The following PPP2R3B variants were observed in gnomAD, a reference collection of about 807,000 sequenced individuals.
The protein encoded by PPP2R3B is serine/threonine-protein phosphatase 2A regulatory subunit B'' subunit beta.
In PPP2R3B, 68 loss-of-function variants were observed where a neutral mutation model predicts 72.9. That is an observed-to-expected ratio of 0.93 (90% confidence interval 0.77 to 1.14). The LOEUF (loss-of-function observed/expected upper bound fraction) is 1.14, where lower values mean the gene tolerates loss of function less well. Among genes scored for constraint, PPP2R3B ranks in the 50% most tolerant of loss-of-function variants. PPP2R3B has a pLI of 0.00. For synonymous variants in PPP2R3B, 466 were observed against 375.8 expected, an observed-to-expected ratio of 1.24 and a Z score of -2.78; for missense variants, 1,018 against 842.0, an observed-to-expected ratio of 1.21 and a Z score of -2.59.
chrX:380,523 C>T (rs1261077031), intron 1 of PPP2R3B, among the ~76,000 whole-genome samples: 4 of 152,056 alleles, frequency 2.6e-5, no homozygotes, highest in Non-Finnish European at 5.9e-5. Context: ...TGGTTGCCCT[C>T]GTCTGTCATC....
intron 1 of PPP2R3B, among the ~76,000 whole-genome samples, chrX:376,008 A>G (rs2071984298): frequency 6.6e-6 from 1 of 152,136 alleles, no homozygotes; most frequent in African/African-American, 2.4e-5. Context: ...CCAGGCCAAC[A>G]TGGTGAAACC....
chrX:341,513 T>G (rs1230368712), intron 8 of PPP2R3B, 117 bp from the exon 9 acceptor site: 2 of 1,063,386 alleles, frequency 1.9e-6, no homozygotes, highest in Non-Finnish European at 2.9e-6. Context: ...GCCCTCCTCC[T>G]GCCCCCCTCC....
At position 341,818 on chromosome X, in the gene PPP2R3B, TGAGGA is replaced by T; in HGVS notation, c.1085+60_1085+64del. 4.5e-6 allele frequency: 7 copies of T among 1,557,708 alleles called. No homozygotes were observed. The South Asian group carries it at 7.8e-5, about 17-fold the overall frequency. ...ACAAAAAGCTCACGTCAGGCAACGATGAGGAGAGGGACCGGGGTCCTCGCAGGGGC... is the reference window on the plus strand; with the variant it reads ...ACAAAAAGCTCACGTCAGGCAACGATGAGGGACCGGGGTCCTCGCAGGGGC... On this transcript the variant is annotated intron_variant, in intron 8 of 12. Coordinates refer to ENST00000390665, the MANE Select transcript of PPP2R3B (RefSeq NM_013239.5).
In PPP2R3B at chrX:334,148, G is replaced by A. The variant is rs749608135; in HGVS notation, c.*219C>T. On this transcript the variant is annotated 3_prime_UTR_variant, in exon 13 of 13. Transcript: ENST00000390665. The stretch of plus-strand genomic sequence containing the variant: ...CCAGAGGGTGTCCGTGTGGGAACCC[G>A]TCCCATTCACGCGCGGCCCTACGTG... 9.2e-5 allele frequency: 42 copies of A among 457,720 alleles called. No individual in the cohort carries two copies. The highest frequency in any genetic ancestry group is 8.0e-4 in the South Asian group (17 of 21,226). 28.4% of individuals were successfully genotyped at this position (457,720 alleles called of 1,614,324 possible).
Position 386,593 on chromosome X carries a change from CT to C in PPP2R3B, c.98del (p.Gln33ArgfsTer76). On this transcript the variant is annotated frameshift_variant, in exon 1 of 13. Transcript: ENST00000390665. LOFTEE classifies it high-confidence loss of function. ...GCGCCTTGATCCGGCGCAGGCAGTC[CT>C]GCAGCATCCGCTGCGTGCTGGCCTC... ...LSEASTQRML[Q>X]DCLRRIKAPG... 1 of 1,449,238 alleles carries C rather than the reference CT, an allele frequency of 6.9e-7. No individual in the cohort carries two copies. The highest frequency in any genetic ancestry group is 9.1e-7 in the Non-Finnish European group (1 of 1,102,006). 89.8% of individuals were successfully genotyped at this position (1,449,238 alleles called of 1,614,324 possible). A position where few individuals can be genotyped will look rare whatever the true frequency, so the allele number is the denominator to read the frequency against.
chrX:373,846 C>A (rs1000795820), intron 1 of PPP2R3B: 4 of 152,208 alleles, frequency 2.6e-5, no homozygotes, highest in African/African-American at 9.7e-5. Context: ...GCGCATGGCG[C>A]CGGGGGTGGG....
At position 334,427 on chromosome X, in the gene PPP2R3B, C is replaced by T. The variant is rs369767636; in HGVS notation, c.1668G>A (p.Pro556=). Reference sequence around the variant, plus strand: ...ACTCGTACAGGTCCACGGCGCCCAGCGGTGAGGGCGCCTCGAAGAAGGGCC... The same window carrying T: ...ACTCGTACAGGTCCACGGCGCCCAGTGGTGAGGGCGCCTCGAAGAAGGGCC... ...AQRPFFEAPS[P]LGAVDLYEYA... The change falls in exon 13 of 13, where the codon CCG becomes CCA. Residue 556 remains proline (P), a synonymous_variant. Transcript: ENST00000390665. 44 of 1,593,818 alleles carry T rather than the reference C, an allele frequency of 2.8e-5. No homozygotes were observed. The highest frequency in any genetic ancestry group is 1.0e-4 in the Admixed American group (6 of 58,336).
chrX:379,090 C>A (rs117909872), intron 1 of PPP2R3B, among the ~76,000 whole-genome samples: 1 of 140,256 alleles, frequency 7.1e-6, no homozygotes, highest in African/African-American at 2.6e-5. Flanking sequence ...TATGCACCTA[C>A]GTGTGTGTGT....
chrX:354,425 A>G (rs892282385), intron 2 of PPP2R3B, among the ~76,000 whole-genome samples: 25 of 152,274 alleles, frequency 1.6e-4, no homozygotes, highest in Admixed American at 4.6e-4. Flanking sequence ...GGCTGCCTTC[A>G]CACTCAGACG....
At chrX:360,300 G>A (rs765610796) in intron 2 of PPP2R3B, among the ~76,000 whole-genome samples, 16 of 152,288 alleles carry the variant, frequency 1.1e-4, no homozygotes, top group East Asian at 7.7e-4. Context: ...TTGGGAGGCC[G>A]AGGCAGGCGG....
chrX:356,297 C>T (rs1411858885), intron 2 of PPP2R3B, among the ~76,000 whole-genome samples: 3 of 152,182 alleles, frequency 2.0e-5, no homozygotes, highest in Non-Finnish European at 4.4e-5. Context: ...CTCACTGCAA[C>T]CTCCACCTCC....
In PPP2R3B at chrX:338,675, C is replaced by T. The variant is rs1386767337; in HGVS notation, c.1506G>A (p.Trp502Ter). The T allele has an allele frequency of 6.2e-7, 1 of 1,611,570 alleles. No homozygotes were observed. Among genetic ancestry groups the T allele is most frequent in the Non-Finnish European group, 8.5e-7 (1 of 1,179,664 alleles). Residue 502 changes from tryptophan (W) to a stop codon, truncating the protein, a stop_gained, in exon 12 of 13, where the codon TGG becomes TGA. Coordinates refer to ENST00000390665, the MANE Select transcript of PPP2R3B (RefSeq NM_013239.5). LOFTEE classifies it high-confidence loss of function. Reference sequence around the variant, plus strand: ...CGTACTCCTCGGCCGCGTACTTCTCCCAGTCCGAGAGCTCGGGGCCGCCGC... The same window carrying T: ...CGTACTCCTCGGCCGCGTACTTCTCTCAGTCCGAGAGCTCGGGGCCGCCGC... The part of the protein sequence containing the change: ...GDSGGPELSD[W>*]EKYAAEEYDI...
intron 1 of PPP2R3B, chrX:374,015 G>A (rs1372380105): frequency 6.6e-6 from 1 of 152,560 alleles, no homozygotes; most frequent in Non-Finnish European, 1.5e-5. Context: ...GCCGGGCAAG[G>A]GGGCGCTTTC....
chrX:339,001 G>A (rs893603103), intron 10 of PPP2R3B, 105 bp from the exon 11 acceptor site: 31 of 905,750 alleles, frequency 3.4e-5, no homozygotes, highest in East Asian at 1.7e-4. Context: ...GACGCGGCAC[G>A]AAGCTCCGGG....
intron 2 of PPP2R3B, among the ~76,000 whole-genome samples, chrX:358,025 G>A (rs1280411744): frequency 1.3e-5 from 2 of 152,130 alleles, no homozygotes; most frequent in Admixed American, 6.5e-5. Context: ...TCAAGCAGCC[G>A]CCGGCCAAAG....
In PPP2R3B at chrX:363,394, G is replaced by GAGCCCACGATCCCACAATGCATCTCCCCA. The variant is rs1569403743; in HGVS notation, c.325-1805_325-1804insTGGGGAGATGCATTGTGGGATCGTGGGCT. ...CCACCATCCCACAGTGCATCTCCCC[G>GAGCCCACGATCCCACAATGCATCTCCCCA]AGCCCGCAATCCCACAGTGCATCTC... On this transcript the variant is annotated intron_variant, in intron 1 of 12. Coordinates refer to ENST00000390665, the MANE Select transcript of PPP2R3B (RefSeq NM_013239.5). 1.6e-4 allele frequency among the ~76,000 whole-genome samples: 23 copies of GAGCCCACGATCCCACAATGCATCTCCCCA among 144,258 alleles called. 2 individuals are homozygous for GAGCCCACGATCCCACAATGCATCTCCCCA. The highest frequency in any genetic ancestry group is 5.4e-4 in the African/African-American group (20 of 37,282). 94.6% of individuals were successfully genotyped at this position (144,258 alleles called of 152,430 possible).
rs766227910 is a variant in PPP2R3B at position 386,441 on chromosome X, G to A, written c.251C>T (p.Pro84Leu). Residue 84 changes from proline (P) to leucine (L), a missense_variant, in exon 1 of 13, where the codon CCC becomes CTC. Physicochemically the swap from Pro to Leu is moderately conservative, Grantham distance 98. Transcript: ENST00000390665. The stretch of plus-strand genomic sequence containing the variant: ...CCTGGGGCTGGAGGCGGCGCCCAGG[G>A]GCAGCGCAGGGCCCGGCCCGGGGGT... ...PGTPGPGPAL[P>L]LGAASSPRNA... The A allele has an allele frequency of 6.1e-6, 8 of 1,314,730 alleles. No individual in the cohort carries two copies. The African/African-American group carries it at 1.1e-4, about 17-fold the overall frequency. 81.4% of individuals were successfully genotyped at this position (1,314,730 alleles called of 1,614,324 possible).
At chrX:361,864 G>T (rs2071549179) in intron 1 of PPP2R3B, among the ~76,000 whole-genome samples, 1 of 152,192 alleles carries the variant, frequency 6.6e-6, no homozygotes, top group Non-Finnish European at 1.5e-5. Context: ...AGGGCCCTGG[G>T]GACAAGGGCA....
At chrX:367,386 G>A (rs1223658693) in intron 1 of PPP2R3B, among the ~76,000 whole-genome samples, 1 of 150,790 alleles carries the variant, frequency 6.6e-6, no homozygotes, top group Non-Finnish European at 1.5e-5. Flanking sequence ...TGGAGGAAAA[G>A]ATACTGATTA....
Sources: gnomAD v4.1 joint callset for allele counts (sites outside exome capture counted in the v4.1 genomes callset) on GRCh38, gnomAD v4.1.1 for gene constraint, MANE v1.5 for transcripts, NCBI Gene and HGNC (gene_info 2026-07-23, HGNC 2026-07-21) for gene names.